Variants in KRT37 observed in about 807,000 individuals in gnomAD.
KRT37 encodes keratin, type I cuticular Ha7.
A neutral mutation model predicts 41.9 loss-of-function variants in KRT37; 38 were observed. The ratio of observed to expected loss-of-function variants is 0.91; its 90% CI spans 0.70 to 1.19. KRT37 has a LOEUF of 1.19. Ranked by LOEUF, KRT37 falls within the 50% of genes most tolerant of loss-of-function variation. The pLI is 0.00. For synonymous variants in KRT37, 252 were observed against 243.4 expected (o/e 1.04, Z -0.33); for missense variants, 580 against 575.5 (o/e 1.01, Z -0.08).
Position 41,422,784 on chromosome 17 carries a change from G to A in KRT37, c.726C>T (p.His242=), listed in dbSNP as rs566243463. The A allele has an allele frequency of 6.5e-5, 104 of 1,604,578 alleles. 1 individual carries two copies. The highest frequency in any genetic ancestry group is 2.5e-4 in the Admixed American group (15 of 59,676). Reference sequence around the variant, plus strand: ...TGAGCAGCCAGGGCCACACCTGCTCGTGGTTGCTCTTGAGGGAGAGCTGCT... The same window carrying A: ...TGAGCAGCCAGGGCCACACCTGCTCATGGTTGCTCTTGAGGGAGAGCTGCT... ...KEEQLSLKSN[H]EQEVKILRSQ... is the part of the protein sequence containing the mutation. Residue 242 remains histidine, a synonymous_variant, in exon 3 of 7, where the codon CAC becomes CAT. Transcript: ENST00000225550.
Position 41,424,484 on chromosome 17 carries a change from A to C in KRT37, c.40T>G (p.Cys14Gly). 1 of 1,600,272 alleles carries C rather than the reference A, an allele frequency of 6.2e-7. No individual in the cohort carries two copies. Among genetic ancestry groups the C allele is most frequent in the South Asian group, 1.1e-5 (1 of 89,890 alleles). Reference sequence around the variant, plus strand: ...TTTCTTGCTCCAGGAGCCATGGTGCAACCCAGAGGGCATGAGGAGGTGCTG... The same window carrying C: ...TTTCTTGCTCCAGGAGCCATGGTGCCACCCAGAGGGCATGAGGAGGTGCTG... ...FYSTSSCPLG[C>G]TMAPGARNVF... Residue 14 changes from cysteine to glycine, a missense_variant, in exon 1 of 7, where the codon TGC becomes GGC. By Grantham distance (159) the Cys-to-Gly change is radical (BLOSUM62 -3). Coordinates refer to ENST00000225550, the MANE Select transcript of KRT37 (RefSeq NM_003770.5).
At chr17:41,421,925 G>C in intron 5 of KRT37, 144 bp downstream of exon 5, 1 of 1,417,924 alleles carries the variant, frequency 7.1e-7, no homozygotes, top group Non-Finnish European at 9.6e-7. Context: ...CACTGAACTT[G>C]ACAGCAAGAC....
In KRT37 at chr17:41,420,888, A is replaced by C. The variant is rs1306856998; in HGVS notation, c.1340T>G (p.Met447Arg). The change falls in exon 7 of 7, where the codon ATG becomes AGG. Residue 447 changes from methionine to arginine, a missense_variant. Met to Arg is a moderately conservative substitution (Grantham distance 91). Transcript: ENST00000225550. The stretch of plus-strand genomic sequence containing the variant: ...CTCGGGCCTTCAGAATCATCTCCCC[A>C]TGCTGGCTCCATGGCCAGAGGGAGA... ...GGSPSGHGAS[M>R]GR The C allele has an allele frequency of 6.2e-7, 1 of 1,611,170 alleles. No homozygotes were observed. The highest frequency in any genetic ancestry group is 1.7e-5 in the Admixed American group (1 of 59,990).
In KRT37 at chr17:41,424,271, T is replaced by C; in HGVS notation, c.253A>G (p.Ile85Val). 6.2e-7 allele frequency: 1 copy of C among 1,614,174 alleles called. No individual in the cohort carries two copies. ...TACPLPGTCH[I>V]PGNIGICGAY... Reference sequence around the variant, plus strand: ...CCACAGATTCCGATGTTGCCGGGAATGTGACAGGTCCCTGGCAAGGGACAA... The same window carrying C: ...CCACAGATTCCGATGTTGCCGGGAACGTGACAGGTCCCTGGCAAGGGACAA... The change falls in exon 1 of 7, where the codon ATT (isoleucine) becomes GTT (valine). Residue 85 changes from isoleucine (I) to valine (V), a missense_variant. By Grantham distance (29) the Ile-to-Val change is conservative (BLOSUM62 3). Coordinates refer to ENST00000225550, the MANE Select transcript of KRT37 (RefSeq NM_003770.5).
rs1312571009 is a variant in KRT37, at chr17:41,424,330, G to A, written c.194C>T (p.Pro65Leu). Reference protein sequence around the residue: ...VRVGSTPLGRPSLCLPPTSHT... With the variant: ...VRVGSTPLGRLSLCLPPTSHT... ...ACTGGTTGGGGGCAGACAGAGGCTG[G>A]GGCGGCCCAGGGGAGTCGACCCCAC... Residue 65 changes from proline to leucine, a missense_variant, in exon 1 of 7, where the codon CCC becomes CTC. Physicochemically the swap from Pro to Leu is moderately conservative, Grantham distance 98 (BLOSUM62 -3). Transcript: ENST00000225550. 1.2e-6 allele frequency: 2 copies of A among 1,614,052 alleles called. No individual in the cohort carries two copies. The highest frequency in any genetic ancestry group is 1.7e-5 in the Admixed American group (1 of 60,008).
chr17:41,423,979 C>A, intron 1 of KRT37, 53 bp downstream of exon 1: 2 of 1,601,624 alleles, frequency 1.2e-6, no homozygotes, highest in Non-Finnish European at 1.7e-6. Context: ...ATTCCTCCTG[C>A]GAAGGCTTCT....
chr17:41,424,022 C>T lies in KRT37; in HGVS notation c.492+10G>A, dbSNP rs180841635. 1.2e-6 allele frequency: 2 copies of T among 1,610,904 alleles called. No individual in the cohort carries two copies. The highest frequency in any genetic ancestry group is 2.7e-5 in the African/African-American group (2 of 74,952). On this transcript the variant is annotated intron_variant, in intron 1 of 6. Coordinates refer to ENST00000225550, the MANE Select transcript of KRT37 (RefSeq NM_003770.5). Reference sequence around the variant, plus strand: ...CAGACCCAGCATGCCCAGGCGATCCCACACCTCACCTTCTGCTGGAGCTCC... The same window carrying T: ...CAGACCCAGCATGCCCAGGCGATCCTACACCTCACCTTCTGCTGGAGCTCC...
At chr17:41,423,703 C>T (rs371752091) in intron 2 of KRT37, 59 bp downstream of exon 2, 22 of 1,489,380 alleles carry the variant, frequency 1.5e-5, no homozygotes, top group African/African-American at 9.7e-5. Flanking sequence ...AGTAATGGGG[C>T]GGGCCCTTGG....
In KRT37 at chr17:41,420,839, G is replaced by A; in HGVS notation, c.*39C>T. On this transcript the variant is annotated 3_prime_UTR_variant, in exon 7 of 7. Coordinates refer to ENST00000225550, the MANE Select transcript of KRT37 (RefSeq NM_003770.5). ...CAAGGTGAGGGCACTCCTGACCCCA[G>A]TGCAACCAGCCTCAATCTCCTAACT... 6.9e-7 allele frequency: 1 copy of A among 1,446,200 alleles called. No individual in the cohort carries two copies. Among genetic ancestry groups the A allele is most frequent in the Non-Finnish European group, 9.7e-7 (1 of 1,030,524 alleles). The allele number at this position is 1,446,200 out of a possible 1,614,324, so 89.6% of individuals were successfully genotyped here.
rs1597720917 is a variant in KRT37, at chr17:41,423,651, T to C, written c.575+111A>G. On this transcript the variant is annotated intron_variant, in intron 2 of 6. Transcript: ENST00000225550. ...ATTTAAGGTGTGGAGAGAAATATTC[T>C]TCTAGTCAAAAACTGTTTTTGAACA... is the stretch of plus-strand genomic sequence containing the variant. 5.7e-6 allele frequency: 5 copies of C among 877,860 alleles called. No individual in the cohort carries two copies. The South Asian group carries it at 7.7e-5, about 14-fold the overall frequency. The allele number at this position is 877,860 out of a possible 1,614,324, so 54.4% of individuals were successfully genotyped here.
Position 41,421,495 on chromosome 17 carries a change from C to T in KRT37, c.1113G>A (p.Glu371=), listed in dbSNP as rs1278267373. The change falls in exon 6 of 7, where the codon GAG becomes GAA. Residue 371 remains glutamate, a synonymous_variant. Transcript: ENST00000225550. ...QMQSLISNLE[E]QLSEIRADLE... ...GGTCGGCCCGGATCTCAGACAACTG[C>T]TCTTCCAAGTTGCTAATGAGGCTCT... is the stretch of plus-strand genomic sequence containing the variant. 3 of 1,614,108 alleles carry T rather than the reference C, an allele frequency of 1.9e-6. No individual in the cohort carries two copies. Among genetic ancestry groups the T allele is most frequent in the African/African-American group, 1.3e-5 (1 of 74,940 alleles).
In KRT37 at chr17:41,422,355, C is replaced by G; in HGVS notation, c.812G>C (p.Arg271Thr). The G allele has an allele frequency of 6.2e-7, 1 of 1,614,238 alleles. No individual in the cohort carries two copies. Among genetic ancestry groups the G allele is most frequent in the East Asian group, 2.2e-5 (1 of 44,882 alleles). Residue 271 changes from arginine (R) to threonine (T), a missense_variant, in exon 4 of 7, where the codon AGG (arginine) becomes ACG (threonine). Transcript: ENST00000225550. ...LDIEPTIDLN[R>T]VLGEMRAQYE... ...CTGAGCCCGCATCTCCCCCAACACCCTGTTCAGGTCAATGGTGGGCTCAAT... is the reference window on the plus strand; with the variant it reads ...CTGAGCCCGCATCTCCCCCAACACCGTGTTCAGGTCAATGGTGGGCTCAAT...
At chr17:41,421,640 T>C (rs2018541525) in intron 5 of KRT37, 53 bp from the exon 6 acceptor site, 9 of 1,553,274 alleles carry the variant, frequency 5.8e-6, no homozygotes, top group African/African-American at 1.4e-5. Context: ...AACTCAGCAG[T>C]GAAAATCATG....
chr17:41,422,444 T>C lies in KRT37; in HGVS notation c.733-10A>G, dbSNP rs2018554146. 11 of 1,613,742 alleles carry C rather than the reference T, an allele frequency of 6.8e-6. No homozygotes were observed. In the East Asian group the frequency reaches 2.2e-4, roughly 33 times the overall value. On this transcript the variant is annotated splice_polypyrimidine_tract_variant and intron_variant, in intron 3 of 6. Transcript: ENST00000225550. ...TCAGAATCTTTACTTCCTGCAGAAATGGAAGCGATAGACAGCCTGCGTAAG... is the reference window on the plus strand; with the variant it reads ...TCAGAATCTTTACTTCCTGCAGAAACGGAAGCGATAGACAGCCTGCGTAAG...
chr17:41,422,689 C>G (rs2071604), intron 3 of KRT37, 89 bp downstream of exon 3: 25,488 of 1,137,088 alleles, frequency 0.022, 3,170 homozygotes, highest in East Asian at 0.12. Context: ...GCCAGCTGAG[C>G]CCAGGCAATG....
rs761647943 is a variant in KRT37 at position 41,422,064 on chromosome 17, C to G, written c.1020+5G>C. 150 of 1,614,038 alleles carry G rather than the reference C, an allele frequency of 9.3e-5. No individual in the cohort carries two copies. Among genetic ancestry groups the G allele is most frequent in the Non-Finnish European group, 1.2e-4 (144 of 1,180,014 alleles). On this transcript the variant is annotated splice_donor_5th_base_variant and intron_variant, in intron 5 of 6. Coordinates refer to ENST00000225550, the MANE Select transcript of KRT37 (RefSeq NM_003770.5). The stretch of plus-strand genomic sequence containing the variant: ...TGCAGTGCAGTGAGGGTGAAGGACA[C>G]GTACCAAGGTGTGCTGGGCTTGGCG...
intron 2 of KRT37, 49 bp downstream of exon 2, chr17:41,423,713 G>T: frequency 2.6e-6 from 4 of 1,567,114 alleles, no homozygotes; most frequent in Non-Finnish European, 3.5e-6. Context: ...CGGGCCCTTG[G>T]AAATACAGCA....
At position 41,422,889 on chromosome 17, in the gene KRT37, C is replaced by A. The variant is rs745569489; in HGVS notation, c.621G>T (p.Lys207Asn). The A allele has an allele frequency of 6.2e-7, 1 of 1,614,188 alleles. No homozygotes were observed. The highest frequency in any genetic ancestry group is 1.3e-5 in the African/African-American group (1 of 75,076). Reference protein sequence around the residue: ...RSLHQLVEADKCGTQKLLDDA... With the variant: ...RSLHQLVEADNCGTQKLLDDA... ...CATCCAGGAGCTTCTGCGTCCCGCA[C>A]TTGTCCGCCTCCACCAGCTGGTGAA... Residue 207 changes from lysine to asparagine, a missense_variant, in exon 3 of 7, where the codon AAG (lysine) becomes AAT (asparagine). Coordinates refer to ENST00000225550, the MANE Select transcript of KRT37 (RefSeq NM_003770.5).
intron 5 of KRT37, 104 bp from the exon 6 acceptor site, chr17:41,421,691 A>T (rs1445662813): frequency 9.2e-7 from 1 of 1,081,336 alleles, no homozygotes; most frequent in Non-Finnish European, 1.4e-6. Flanking sequence ...AAAATGTCAT[A>T]GGACATTCTC....
Sources: gnomAD v4.1 joint callset for allele counts on GRCh38, gnomAD v4.1.1 for gene constraint, MANE v1.5 for transcripts, NCBI Gene and HGNC (gene_info 2026-07-23, HGNC 2026-07-21) for gene names.